Variants in CCDC181 observed in about 807,000 individuals in gnomAD.
CCDC181 encodes the protein coiled-coil domain-containing protein 181.
A neutral mutation model predicts 58.7 loss-of-function variants in CCDC181; 35 were observed. That is an observed-to-expected ratio of 0.60 (90% CI 0.46 to 0.79). The LOEUF is 0.79. Among genes scored for constraint, CCDC181 ranks in the 30% least tolerant of loss-of-function variants. CCDC181 has a pLI of 0.00. For missense variants in CCDC181, 517 were observed against 583.9 expected (o/e 0.89, Z 1.18); for synonymous variants, 183 against 197.5 (o/e 0.93, Z 0.62).
At chr1:169,399,872 T>C (rs772341575) in intron 4 of CCDC181, among the ~76,000 whole-genome samples, 2 of 152,188 alleles carry the variant, frequency 1.3e-5, no homozygotes, top group Non-Finnish European at 2.9e-5. Context: ...GGAGGAGTCA[T>C]AGCATCAAGC....
chr1:169,410,668 G>T (rs1328342693), intron 4 of CCDC181, among the ~76,000 whole-genome samples: 1 of 152,184 alleles, frequency 6.6e-6, no homozygotes, highest in Non-Finnish European at 1.5e-5. Flanking sequence ...AAATGCAAAA[G>T]AATGCAAATC....
intron 4 of CCDC181, among the ~76,000 whole-genome samples, chr1:169,412,629 C>T (rs767852361): frequency 6.6e-6 from 1 of 152,140 alleles, no homozygotes; most frequent in Non-Finnish European, 1.5e-5. Context: ...AACTATACTA[C>T]AAGGGTACAG....
At chr1:169,425,452 T>C (rs1271506788) in intron 1 of CCDC181, among the ~76,000 whole-genome samples, 4 of 152,122 alleles carry the variant, frequency 2.6e-5, no homozygotes, top group African/African-American at 9.6e-5. Flanking sequence ...ACTTATTTAT[T>C]TTAAACTAAA....
At chr1:169,456,786 T>C (rs10919172) in intron 2 of CCDC181, among the ~76,000 whole-genome samples, 13,211 of 152,250 alleles carry the variant, frequency 0.087, 777 homozygotes, top group Admixed American at 0.19. Context: ...TAAATCCCTT[T>C]TCTTTATAAA....
chr1:169,458,474 CAG>C (rs1348491593), intron 2 of CCDC181, among the ~76,000 whole-genome samples: 7 of 152,090 alleles, frequency 4.6e-5, no homozygotes, highest in Admixed American at 2.0e-4. Context: ...AAAAGGCACA[CAG>C]GGGAAATCTA....
intron 4 of CCDC181, among the ~76,000 whole-genome samples, chr1:169,403,730 C>T (rs909899614): frequency 1.3e-5 from 2 of 152,074 alleles, no homozygotes; most frequent in African/African-American, 4.8e-5. Flanking sequence ...AATTGATACC[C>T]TAACATCACA....
intron 4 of CCDC181, among the ~76,000 whole-genome samples, chr1:169,403,356 C>T (rs1374265750): frequency 6.6e-6 from 1 of 152,228 alleles, no homozygotes; most frequent in Non-Finnish European, 1.5e-5. Context: ...ACAGAATATA[C>T]ATTCTTCTCA....
chr1:169,451,524 T>C (rs1286282544), intron 2 of CCDC181, among the ~76,000 whole-genome samples: 2 of 152,046 alleles, frequency 1.3e-5, no homozygotes, highest in Non-Finnish European at 2.9e-5. Flanking sequence ...AAACCAAATA[T>C]GTTTTGACAA....
intron 2 of CCDC181, among the ~76,000 whole-genome samples, chr1:169,445,904 C>T (rs1250784516): frequency 3.9e-5 from 6 of 152,082 alleles, no homozygotes; most frequent in Non-Finnish European, 8.8e-5. Context: ...CATATTACTT[C>T]TTTATTATCC....
chr1:169,414,150 GA>G (rs1029270272), intron 4 of CCDC181, among the ~76,000 whole-genome samples: 1 of 152,128 alleles, frequency 6.6e-6, no homozygotes, highest in African/African-American at 2.4e-5. Flanking sequence ...AGTAAAATAT[GA>G]AAAAAGTTAT....
chr1:169,419,056 C>T lies in CCDC181; in HGVS notation c.1172G>A (p.Arg391Lys). The change falls in exon 4 of 6, where the codon AGG becomes AAG. Residue 391 changes from arginine (R) to lysine (K), a missense_variant. Transcript: ENST00000367806. ...AATTTCCTTTGCTCGCTGAATTCTCCTCATTTCTAAGACCTGCTCTCTTTT... is the reference window on the plus strand; with the variant it reads ...AATTTCCTTTGCTCGCTGAATTCTCTTCATTTCTAAGACCTGCTCTCTTTT... ...QKKREQVLEM[R>K]RIQRAKEIED... 6.2e-7 allele frequency: 1 copy of T among 1,613,708 alleles called. No individual in the cohort carries two copies. Among genetic ancestry groups the T allele is most frequent in the Non-Finnish European group, 8.5e-7 (1 of 1,179,914 alleles).
upstream of CCDC181, among the ~76,000 whole-genome samples, chr1:169,428,896 C>G (rs1244765074): frequency 6.6e-6 from 1 of 152,206 alleles, no homozygotes; most frequent in Non-Finnish European, 1.5e-5. Flanking sequence ...CTCAGGCAGT[C>G]TGCCCACCTG....
chr1:169,452,603 A>T (rs1657571467), intron 2 of CCDC181: 1 of 152,060 alleles, frequency 6.6e-6, no homozygotes, highest in African/African-American at 2.4e-5. Flanking sequence ...CTAACAATGT[A>T]TTTATGTGAT....
intron 2 of CCDC181, among the ~76,000 whole-genome samples, chr1:169,434,621 A>G (rs1243597583): frequency 1.3e-5 from 2 of 152,014 alleles, no homozygotes; most frequent in Non-Finnish European, 2.9e-5. Context: ...AGGAAATTCT[A>G]ACATATGCTA....
rs570016956 is a variant in CCDC181, at chr1:169,427,304, G to A, written c.-40C>T. ...CCCTCTTGCCTGTGTAAAATGCGGC[G>A]GCTGGGATCACAGAGATGGCCGGGG... On this transcript the variant is annotated 5_prime_UTR_variant, in exon 1 of 6. Coordinates refer to ENST00000367806, the MANE Select transcript of CCDC181 (RefSeq NM_001300969.2). The A allele has an allele frequency of 5.9e-5, 9 of 152,492 alleles. No homozygotes were observed. The highest frequency in any genetic ancestry group is 5.2e-4 in the Admixed American group (8 of 15,298). The allele number at this position is 152,492 out of a possible 1,614,324, so 9.4% of individuals were successfully genotyped here.
Position 169,445,160 on chromosome 1 carries a change from A to G in CCDC181, c.-24+14637T>C, listed in dbSNP as rs1229580531. 2.6e-5 allele frequency among the ~76,000 whole-genome samples: 4 copies of G among 152,202 alleles called. No homozygotes were observed. In the East Asian group the frequency reaches 5.8e-4, roughly 22 times the overall value. On this transcript the variant is annotated intron_variant, in intron 2 of 6. Transcript: ENST00000545005. ...GGAACGATCTTCTGCAGATATTTTCATAGCTGGCTCCTTCCTATCGTTCAG... is the reference window on the plus strand; with the variant it reads ...GGAACGATCTTCTGCAGATATTTTCGTAGCTGGCTCCTTCCTATCGTTCAG...
intron 4 of CCDC181, among the ~76,000 whole-genome samples, chr1:169,411,430 C>A (rs1024360402): frequency 4.6e-5 from 7 of 152,062 alleles, no homozygotes; most frequent in African/African-American, 1.7e-4. Context: ...AAGGACCAGA[C>A]AGATTCACAG....
chr1:169,397,371 T>G lies in CCDC181; in HGVS notation c.1236A>C (p.Gln412His). ...MNSRQENRDP[Q>H]QAFRLWLKKK... The stretch of plus-strand genomic sequence containing the variant: ...TTTTAAGCCATAATCGAAAAGCTTG[T>G]TGTGGATCTCTGTTTTCCTGCTGAT... The change falls in exon 5 of 6, where the codon CAA (glutamine) becomes CAC (histidine). Residue 412 changes from glutamine to histidine, a missense_variant. Gln to His is a conservative substitution (Grantham distance 24). Coordinates refer to ENST00000367806, the MANE Select transcript of CCDC181 (RefSeq NM_001300969.2). The G allele has an allele frequency of 6.2e-7, 1 of 1,608,350 alleles. No homozygotes were observed. Among genetic ancestry groups the G allele is most frequent in the Non-Finnish European group, 8.5e-7 (1 of 1,177,722 alleles).
chr1:169,447,833 A>G (rs1475618516), intron 2 of CCDC181, among the ~76,000 whole-genome samples: 1 of 152,062 alleles, frequency 6.6e-6, no homozygotes, highest in Non-Finnish European at 1.5e-5. Context: ...TTCTTTTGTT[A>G]AGTGTTAGCA....
Sources: allele counts gnomAD v4.1 joint callset (sites outside exome capture counted in the v4.1 genomes callset), GRCh38; gene constraint gnomAD v4.1.1; transcripts MANE v1.5; gene names NCBI Gene and HGNC (gene_info 2026-07-23, HGNC 2026-07-21).